SLC38A6: variants seen among roughly 807,000 people sequenced by gnomAD.
The protein encoded by SLC38A6 is N system amino acid transporter NAT-1.
SLC38A6 carries 73 observed loss-of-function variants against 65.0 expected under a neutral mutation model. The observed-to-expected ratio is 1.12, with a 90% confidence interval of 0.93 to 1.37. The LOEUF (loss-of-function observed/expected upper bound fraction) is 1.37, where lower values mean the gene tolerates loss of function less well. Ranked by LOEUF, SLC38A6 falls within the 40% of genes most tolerant of loss-of-function variation. SLC38A6 has a pLI of 0.00. For synonymous variants in SLC38A6, 183 were observed against 178.8 expected (o/e 1.02, Z -0.19); for missense variants, 561 against 531.1 (o/e 1.06, Z -0.55).
chr14:61,002,707 A>C (rs2038796181), intron 3 of SLC38A6, among the ~76,000 whole-genome samples: 1 of 152,154 alleles, frequency 6.6e-6, no homozygotes, highest in Non-Finnish European at 1.5e-5. Flanking sequence ...TTAAGGAAGA[A>C]ATTTTCCCCG....
chr14:61,074,579 C>A (rs1036436163), intron 15 of SLC38A6, among the ~76,000 whole-genome samples: 1 of 152,126 alleles, frequency 6.6e-6, no homozygotes, highest in Non-Finnish European at 1.5e-5. Context: ...CTCCCAAAGA[C>A]CCCATCTTGA....
intron 3 of SLC38A6, among the ~76,000 whole-genome samples, chr14:61,005,219 A>G (rs2039004099): frequency 6.6e-6 from 1 of 151,946 alleles, no homozygotes; most frequent in Non-Finnish European, 1.5e-5. Context: ...ACCCACAGCC[A>G]ATATCATACT....
intron 16 of SLC38A6, among the ~76,000 whole-genome samples, chr14:61,079,698 G>T (rs74054711): frequency 0.011 from 1,694 of 152,184 alleles, 26 homozygotes; most frequent in African/African-American, 0.039. Flanking sequence ...TTTAGGAAAG[G>T]TTCCACATCT....
rs2039170819 is a variant in SLC38A6 at position 61,006,932 on chromosome 14, A to C, written c.311-8972A>C. Among the ~76,000 whole-genome samples, 5 of 152,272 alleles carry C rather than the reference A, an allele frequency of 3.3e-5. No homozygotes were observed. In the South Asian group the frequency reaches 8.3e-4, roughly 25 times the overall value. On this transcript the variant is annotated intron_variant, in intron 3 of 15. Coordinates refer to ENST00000267488, the MANE Select transcript of SLC38A6 (RefSeq NM_153811.3). ...AGACTTGGAACCAAGCCAAATGTCCAACAATGATAGAGTGGATTAAGAAAA... is the reference window on the plus strand; with the variant it reads ...AGACTTGGAACCAAGCCAAATGTCCCACAATGATAGAGTGGATTAAGAAAA...
At chr14:61,055,244 T>C (rs1298266453), downstream of SLC38A6, among the ~76,000 whole-genome samples, 1 of 76,788 alleles carries the variant, frequency 1.3e-5, no homozygotes, top group East Asian at 3.5e-4. Context: ...ATTAGGTATA[T>C]CTCCCAATGC....
chr14:61,022,385 G>A (rs1402425756), intron 5 of SLC38A6, among the ~76,000 whole-genome samples: 1 of 151,536 alleles, frequency 6.6e-6, no homozygotes, highest in Admixed American at 6.6e-5. Flanking sequence ...CAGAATCTGT[G>A]GAACTTCTAG....
intron 6 of SLC38A6, among the ~76,000 whole-genome samples, chr14:61,035,333 A>G (rs1353415126): frequency 6.6e-6 from 1 of 152,152 alleles, no homozygotes; most frequent in Non-Finnish European, 1.5e-5. Flanking sequence ...TTTCAAAACT[A>G]TAGTTAATAA....
intron 3 of SLC38A6, among the ~76,000 whole-genome samples, chr14:61,006,518 A>C (rs1295805409): frequency 6.6e-6 from 1 of 152,350 alleles, no homozygotes; most frequent in East Asian, 1.9e-4. Context: ...GGCGAAGGAC[A>C]TGAACAGATA....
chr14:61,028,409 C>A (rs1363526233), intron 5 of SLC38A6, among the ~76,000 whole-genome samples: 2 of 151,968 alleles, frequency 1.3e-5, no homozygotes. Flanking sequence ...TAAGTCTAGG[C>A]CGGTTTCAGA....
In SLC38A6 at chr14:60,981,469, G is replaced by T. The variant is rs1035556965; in HGVS notation, c.105+87G>T. The T allele has an allele frequency of 6.5e-6, 10 of 1,541,170 alleles. No individual in the cohort carries two copies. The Admixed American group carries it at 2.0e-4, about 30-fold the overall frequency. On this transcript the variant is annotated intron_variant, in intron 1 of 15. Transcript: ENST00000267488. ...AAATAAGACCCAGAAAAGGAGGACCGCACCGGGACAGGGGAGATGCTGGAG... is the reference window on the plus strand; with the variant it reads ...AAATAAGACCCAGAAAAGGAGGACCTCACCGGGACAGGGGAGATGCTGGAG...
intron 8 of SLC38A6, among the ~76,000 whole-genome samples, chr14:61,040,489 G>A (rs1287811102): frequency 2.0e-5 from 3 of 151,312 alleles, no homozygotes; most frequent in South Asian, 2.1e-4. Flanking sequence ...ATAGGCACCC[G>A]CCACCACGCC....
chr14:61,013,768 G>T (rs1019273239), intron 3 of SLC38A6, among the ~76,000 whole-genome samples: 16 of 152,278 alleles, frequency 1.1e-4, no homozygotes, highest in Admixed American at 6.5e-4. Context: ...TTAGTCTGAT[G>T]GGCTTCCCAT....
chr14:61,038,533 T>C lies in SLC38A6; in HGVS notation c.624+850T>C, dbSNP rs189956274. On this transcript the variant is annotated intron_variant, in intron 8 of 15. Transcript: ENST00000267488. ...AAGCTTGGTTCAACTCTTTCTTGTT[T>C]TTGAAAATGCATGAAAGAAACAGCC... Among the ~76,000 whole-genome samples the C allele has an allele frequency of 1.3e-4, 20 of 152,270 alleles. No individual in the cohort carries two copies. The East Asian group carries it at 3.9e-3, about 29-fold the overall frequency.
At chr14:61,055,106 C>CT (rs1280245361), downstream of SLC38A6, among the ~76,000 whole-genome samples, 33,900 of 62,988 alleles carry the variant, frequency 0.54, 8,926 homozygotes, top group Non-Finnish European at 0.63. Context: ...AAGTCTTTTT[C>CT]TTTTTTTTTT....
intron 2 of SLC38A6, among the ~76,000 whole-genome samples, chr14:60,983,873 T>C (rs1340642830): frequency 6.6e-6 from 1 of 152,232 alleles, no homozygotes; most frequent in Non-Finnish European, 1.5e-5. Flanking sequence ...GCTCACCCAG[T>C]CATAGCAACC....
chr14:60,995,261 A>G (rs535278051), intron 3 of SLC38A6, among the ~76,000 whole-genome samples: 2 of 152,290 alleles, frequency 1.3e-5, no homozygotes, highest in African/African-American at 4.8e-5. Context: ...AAAAATTGTG[A>G]TATGTACGTA....
chr14:60,994,704 CA>C (rs113876678), intron 3 of SLC38A6, among the ~76,000 whole-genome samples: 1,623 of 93,028 alleles, frequency 0.017, 17 homozygotes, highest in African/African-American at 0.046. Flanking sequence ...AACCTCGTCT[CA>C]AAAAAAAAAA....
intron 5 of SLC38A6, among the ~76,000 whole-genome samples, chr14:61,023,600 T>TATATAC (rs1555352635): frequency 6.8e-6 from 1 of 146,828 alleles, no homozygotes; most frequent in African/African-American, 2.5e-5. Flanking sequence ...TATATATATA[T>TATATAC]ACACACACAC....
intron 3 of SLC38A6, among the ~76,000 whole-genome samples, chr14:60,989,414 G>C (rs1353651588): frequency 1.3e-5 from 2 of 152,048 alleles, no homozygotes; most frequent in African/African-American, 4.8e-5. Context: ...CTTCATGACA[G>C]CACTCCTTAA....
Sources: gnomAD v4.1 joint callset for allele counts (sites outside exome capture counted in the v4.1 genomes callset) on GRCh38, gnomAD v4.1.1 for gene constraint, MANE v1.5 for transcripts, NCBI Gene and HGNC (gene_info 2026-07-23, HGNC 2026-07-21) for gene names.